GRIA3: variants seen among roughly 807,000 people sequenced by gnomAD.
The protein encoded by GRIA3 is glutamate receptor 3.
GRIA3 carries 3 observed loss-of-function variants against 63.0 expected under a neutral mutation model. That is an observed-to-expected ratio of 0.05 (90% confidence interval 0.02 to 0.12). The LOEUF (loss-of-function observed/expected upper bound fraction) is 0.12, where lower values mean the gene tolerates loss of function less well. Ranked by LOEUF, GRIA3 falls within the 10% of genes least tolerant of loss-of-function variation. The pLI is 1.00. For synonymous variants in GRIA3, 274 were observed against 257.9 expected (o/e 1.06, Z -0.60); for missense variants, 347 against 700.9 (o/e 0.50, Z 5.70).
intron 3 of GRIA3, among the ~76,000 whole-genome samples, chrX:123,323,103 GAAAATA>G (rs755207011): frequency 8.9e-6 from 1 of 111,772 alleles, no homozygotes; most frequent in African/African-American, 3.3e-5. Context: ...TGTACTTACA[GAAAATA>G]ATACCTGCTT....
At chrX:123,203,360 T>G (rs1433341826) in intron 2 of GRIA3, among the ~76,000 whole-genome samples, 2 of 112,121 alleles carry the variant, frequency 1.8e-5, no homozygotes, top group Non-Finnish European at 3.8e-5. Flanking sequence ...TAACTAGCTA[T>G]GAGACTGCCC....
chrX:123,274,526 T>C (rs1007239668), intron 3 of GRIA3, among the ~76,000 whole-genome samples: 14 of 112,568 alleles, frequency 1.2e-4, no homozygotes, highest in African/African-American at 4.5e-4. Context: ...ACTAGTCCCA[T>C]TTGCCTCTCA....
intron 10 of GRIA3, among the ~76,000 whole-genome samples, chrX:123,415,358 T>G (rs1479046079): frequency 8.9e-6 from 1 of 111,755 alleles, no homozygotes; most frequent in East Asian, 2.8e-4. Context: ...GACAGAGAAA[T>G]ATAGAATGCA....
intron 15 of GRIA3, among the ~76,000 whole-genome samples, chrX:123,483,791 GC>G (rs756624127): frequency 8.0e-4 from 89 of 111,447 alleles, no homozygotes; most frequent in Non-Finnish European, 9.6e-4. Flanking sequence ...AATTAGGCGG[GC>G]ATAGTGGCAG....
chrX:123,205,110 G>A lies in GRIA3; in HGVS notation c.268+19120G>A, dbSNP rs781395703. Among the ~76,000 whole-genome samples, 5 of 111,720 alleles carry A rather than the reference G, an allele frequency of 4.5e-5. No homozygotes were observed. The South Asian group carries it at 1.9e-3, about 42-fold the overall frequency. ...GAAAATCTAATACATAATAAGGTAG[G>A]TCAGGCTGATAGCATTACTATATCC... On this transcript the variant is annotated intron_variant, in intron 2 of 15. Coordinates refer to ENST00000620443, the MANE Select transcript of GRIA3 (RefSeq NM_007325.5).
chrX:123,368,031 G>GCT, intron 5 of GRIA3, among the ~76,000 whole-genome samples: 1 of 111,860 alleles, frequency 8.9e-6, no homozygotes, highest in Non-Finnish European at 1.9e-5. Flanking sequence ...TCTGGTCACT[G>GCT]CTCTACTTCT....
At chrX:123,457,962 AAAAGG>A (rs2045770662) in intron 12 of GRIA3, among the ~76,000 whole-genome samples, 3 of 111,579 alleles carry the variant, frequency 2.7e-5, no homozygotes, top group Admixed American at 9.5e-5. Flanking sequence ...TTGTGACCAG[AAAAGG>A]TGAGTTGAAT....
At chrX:123,467,013 A>C in intron 13 of GRIA3, among the ~76,000 whole-genome samples, 1 of 112,930 alleles carries the variant, frequency 8.9e-6, no homozygotes, top group African/African-American at 3.2e-5. Flanking sequence ...TTCAGCAAAT[A>C]ATCTTACCAG....
At chrX:123,219,723 G>A (rs574711499) in intron 2 of GRIA3, among the ~76,000 whole-genome samples, 2 of 112,069 alleles carry the variant, frequency 1.8e-5, no homozygotes, top group Middle Eastern at 9.2e-3. Flanking sequence ...ACAGCAAAGG[G>A]CCTCCGGGTC....
chrX:123,432,795 A>G (rs2045625379), intron 12 of GRIA3, among the ~76,000 whole-genome samples: 1 of 112,142 alleles, frequency 8.9e-6, no homozygotes, highest in Non-Finnish European at 1.9e-5. Context: ...AAAGGTTTTC[A>G]GCAAATCACA....
intron 12 of GRIA3, among the ~76,000 whole-genome samples, chrX:123,444,382 G>A (rs1319269368): frequency 1.8e-5 from 2 of 111,996 alleles, no homozygotes; most frequent in Non-Finnish European, 3.8e-5. Context: ...AAAGAACCAG[G>A]AGCCAGGAAA....
chrX:123,371,411 C>T (rs1328552526), intron 5 of GRIA3, among the ~76,000 whole-genome samples: 3 of 110,070 alleles, frequency 2.7e-5, no homozygotes, highest in Admixed American at 9.8e-5. Flanking sequence ...GCAGTGGGAT[C>T]GCTGGATCTT....
chrX:123,417,376 GTTTTCTTTT>G lies in GRIA3; in HGVS notation c.1501-11_1501-3del, dbSNP rs766102920. 2.5e-5 allele frequency: 29 copies of G among 1,166,898 alleles called. No individual in the cohort carries two copies. Among genetic ancestry groups the G allele is most frequent in the South Asian group, 9.0e-5 (5 of 55,473 alleles). ...AAGACTGTCTCTAAAAGTCATATATGTTTTCTTTTTTTTCTTTTTTTTCAGAGAGCTGAT... is the reference window on the plus strand; with the variant it reads ...AAGACTGTCTCTAAAAGTCATATATGTTTTCTTTTTTTTCAGAGAGCTGAT... On this transcript the variant is annotated splice_polypyrimidine_tract_variant and intron_variant, in intron 10 of 15. Coordinates refer to ENST00000620443, the MANE Select transcript of GRIA3 (RefSeq NM_007325.5).
intron 2 of GRIA3, among the ~76,000 whole-genome samples, chrX:123,220,848 T>C (rs764089601): frequency 3.6e-5 from 4 of 111,590 alleles, no homozygotes; most frequent in Admixed American, 9.5e-5. Flanking sequence ...TCCAAATACA[T>C]GAGGAAATAT....
At chrX:123,336,841 T>C (rs1319724355) in intron 4 of GRIA3, among the ~76,000 whole-genome samples, 2 of 111,744 alleles carry the variant, frequency 1.8e-5, no homozygotes, top group Admixed American at 9.5e-5. Context: ...TAAAAATCCT[T>C]TCTTGCCTTA....
At chrX:123,261,305 T>C (rs1283878546) in intron 3 of GRIA3, among the ~76,000 whole-genome samples, 1 of 111,705 alleles carries the variant, frequency 9.0e-6, no homozygotes, top group Non-Finnish European at 1.9e-5. Context: ...TAATAAATAC[T>C]GTCATATTTT....
chrX:123,326,345 CT>C, intron 4 of GRIA3, 132 bp downstream of exon 4: 3 of 385,593 alleles, frequency 7.8e-6, no homozygotes, highest in Non-Finnish European at 9.1e-6. Context: ...CTCTCTAATC[CT>C]TTTTTCCTCC....
chrX:123,251,755 G>T (rs2044391856), intron 2 of GRIA3, among the ~76,000 whole-genome samples: 1 of 111,726 alleles, frequency 9.0e-6, no homozygotes, highest in Non-Finnish European at 1.9e-5. Flanking sequence ...ATATAAAGAC[G>T]TTTCCTGTGC....
chrX:123,458,702 G>A (rs1310566185), intron 12 of GRIA3, among the ~76,000 whole-genome samples: 1 of 111,850 alleles, frequency 8.9e-6, no homozygotes, highest in Non-Finnish European at 1.9e-5. Flanking sequence ...TTCCCCAGTA[G>A]CAGTGTTCTG....
Sources: allele counts gnomAD v4.1 joint callset (sites outside exome capture counted in the v4.1 genomes callset), GRCh38; gene constraint gnomAD v4.1.1; transcripts MANE v1.5; gene names NCBI Gene and HGNC (gene_info 2026-07-23, HGNC 2026-07-21).